Variants in ZNF705A observed in about 807,000 individuals in gnomAD.
The protein encoded by ZNF705A is zinc finger protein 705A.
A neutral mutation model predicts 16.6 loss-of-function variants in ZNF705A; 8 were observed. The ratio of observed to expected loss-of-function variants is 0.48; its 90% CI spans 0.28 to 0.87. The LOEUF is 0.87. Among genes scored for constraint, ZNF705A ranks in the 40% least tolerant of loss-of-function variants. ZNF705A has a pLI of 0.10. For synonymous variants in ZNF705A, 73 were observed against 117.3 expected (o/e 0.62, Z 2.44); for missense variants, 233 against 359.9 (o/e 0.65, Z 2.85).
exon 5 of ZNF705A, chr12:8,179,810 G>C (rs1342897955): frequency 6.6e-6 from 1 of 152,132 alleles, no homozygotes; most frequent in African/African-American, 2.4e-5. Flanking sequence ...AACTGTGGCT[G>C]ACATTATATG....
chr12:8,174,960 A>C (rs933709499), intron 2 of ZNF705A, among the ~76,000 whole-genome samples: 1 of 152,136 alleles, frequency 6.6e-6, no homozygotes, highest in Non-Finnish European at 1.5e-5. Context: ...TGTATTATGC[A>C]TTGTGTCTTG....
intron 1 of ZNF705A, among the ~76,000 whole-genome samples, chr12:8,160,733 C>T (rs752113223): frequency 2.0e-5 from 3 of 152,162 alleles, no homozygotes; most frequent in African/African-American, 4.8e-5. Flanking sequence ...CTGGAGGAAT[C>T]GTCAGGGTTT....
chr12:8,160,784 G>A (rs766727878), intron 1 of ZNF705A, among the ~76,000 whole-genome samples: 1 of 152,200 alleles, frequency 6.6e-6, no homozygotes, highest in East Asian at 1.9e-4. Flanking sequence ...GGTGACAGCT[G>A]ACTTCCTCTT....
exon 5 of ZNF705A, chr12:8,177,122 C>G (rs1240251203): frequency 1.7e-5 from 27 of 1,611,886 alleles, no homozygotes; most frequent in Non-Finnish European, 2.2e-5. Context: ...TGTCAGCAAA[C>G]AGTGTGGAAA....
chr12:8,177,122 CAG>C lies in ZNF705A; in HGVS notation c.443_444del (p.Gln148LeufsTer7). 1.2e-6 allele frequency: 2 copies of C among 1,612,004 alleles called. No individual in the cohort carries two copies. Among genetic ancestry groups the C allele is most frequent in the Non-Finnish European group, 1.7e-6 (2 of 1,179,824 alleles). On this transcript the variant is annotated frameshift_variant, in exon 5 of 5. Transcript: ENST00000359286. LOFTEE classifies it low-confidence loss of function (END_TRUNC). ...TGGAAAGAAACCCTATGTCAGCAAA[CAG>C]TGTGGAAAATCTCTTCGTAATCTTT...
At chr12:8,167,280 C>G (rs1203718031) in intron 1 of ZNF705A, among the ~76,000 whole-genome samples, 1 of 152,110 alleles carries the variant, frequency 6.6e-6, no homozygotes, top group Admixed American at 6.5e-5. Context: ...AGGAATTAAT[C>G]TTCACATTTT....
At chr12:8,169,812 A>C (rs958709980), upstream of ZNF705A, among the ~76,000 whole-genome samples, 3 of 152,248 alleles carry the variant, frequency 2.0e-5, no homozygotes, top group Non-Finnish European at 4.4e-5. Flanking sequence ...AGGAGGTCAC[A>C]AGTCGGCCTC....
At chr12:8,174,792 C>T (rs1210837408) in intron 2 of ZNF705A, among the ~76,000 whole-genome samples, 3 of 152,140 alleles carry the variant, frequency 2.0e-5, no homozygotes, top group Non-Finnish European at 2.9e-5. Flanking sequence ...CTGCTTTAGT[C>T]TATGCTTAGG....
intron 1 of ZNF705A, among the ~76,000 whole-genome samples, chr12:8,160,746 G>C (rs904358701): frequency 6.6e-6 from 1 of 152,074 alleles, no homozygotes; most frequent in South Asian, 2.1e-4. Flanking sequence ...CAGGGTTTTC[G>C]AGATAAATGA....
rs762440715 is a variant in ZNF705A, at chr12:8,166,801, G to A, written c.-71-5754G>A. Among the ~76,000 whole-genome samples the A allele has an allele frequency of 2.6e-5, 4 of 152,348 alleles. No individual in the cohort carries two copies. The South Asian group carries it at 6.2e-4, about 24-fold the overall frequency. The stretch of plus-strand genomic sequence containing the variant: ...GAGTGGCTGAGACCTAGAATGCTGT[G>A]AGCACTGTCCTGCGCTTGCACTGGG... On this transcript the variant is annotated intron_variant, in intron 1 of 5. Transcript: ENST00000396570.
At chr12:8,167,551 G>A (rs1347720729), upstream of ZNF705A, among the ~76,000 whole-genome samples, 4 of 152,174 alleles carry the variant, frequency 2.6e-5, no homozygotes, top group African/African-American at 7.2e-5. Flanking sequence ...AAGACCTTGG[G>A]GAAAGAGAGT....
At chr12:8,171,557 C>T (rs781087283), upstream of ZNF705A, among the ~76,000 whole-genome samples, 4 of 152,278 alleles carry the variant, frequency 2.6e-5, no homozygotes, top group Non-Finnish European at 5.9e-5. Flanking sequence ...CCCACCCCTA[C>T]GTCATTTTGT....
At chr12:8,160,698 T>C (rs1341419577) in intron 1 of ZNF705A, among the ~76,000 whole-genome samples, 1 of 152,090 alleles carries the variant, frequency 6.6e-6, no homozygotes, top group Non-Finnish European at 1.5e-5. Flanking sequence ...CTTTGCCAAA[T>C]TCTTCTATCA....
At chr12:8,177,786 G>C (rs1158107906) in exon 5 of ZNF705A, 22 of 847,918 alleles carry the variant, frequency 2.6e-5, no homozygotes, top group Non-Finnish European at 3.7e-5. Flanking sequence ...TTCAGCTGTA[G>C]TTGTAGCATC....
chr12:8,177,755 G>A, exon 5 of ZNF705A: 5 of 1,100,528 alleles, frequency 4.5e-6, no homozygotes, highest in South Asian at 1.7e-5. Flanking sequence ...GAATGACGAA[G>A]GTAAGGAATG....
At chr12:8,167,549 G>A (rs1948409607), upstream of ZNF705A, among the ~76,000 whole-genome samples, 1 of 152,162 alleles carries the variant, frequency 6.6e-6, no homozygotes, top group Non-Finnish European at 1.5e-5. Context: ...TTAAGACCTT[G>A]GGGAAAGAGA....
chr12:8,161,558 C>T (rs1948355358), intron 1 of ZNF705A, among the ~76,000 whole-genome samples: 1 of 152,108 alleles, frequency 6.6e-6, no homozygotes, highest in African/African-American at 2.4e-5. Flanking sequence ...TTATCCATCT[C>T]TTCTAGGTTT....
At chr12:8,177,790 T>G (rs1948498518) in exon 5 of ZNF705A, 2 of 826,804 alleles carry the variant, frequency 2.4e-6, no homozygotes, top group East Asian at 2.7e-5. Flanking sequence ...GCTGTAGTTG[T>G]AGCATCTAAA....
chr12:8,167,055 C>T (rs1355190225), intron 1 of ZNF705A, among the ~76,000 whole-genome samples: 1 of 152,246 alleles, frequency 6.6e-6, no homozygotes, highest in African/African-American at 2.4e-5. Flanking sequence ...GACTTCATTT[C>T]TGCAATATAT....
Sources: gnomAD v4.1 joint callset for allele counts (sites outside exome capture counted in the v4.1 genomes callset) on GRCh38, gnomAD v4.1.1 for gene constraint, MANE v1.5 for transcripts, NCBI Gene and HGNC (gene_info 2026-07-23, HGNC 2026-07-21) for gene names.